The following ADGRG1 variants were observed in gnomAD, a reference collection of about 807,000 sequenced individuals.
The protein encoded by ADGRG1 is adhesion G protein-coupled receptor G1, also known as 7-transmembrane protein with no EGF-like N-terminal domains-1.
ADGRG1 carries 53 observed loss-of-function variants against 73.5 expected under a neutral mutation model. That is an observed-to-expected ratio of 0.72 (90% CI 0.58 to 0.91). The LOEUF (loss-of-function observed/expected upper bound fraction) is 0.91. Among genes scored for constraint, ADGRG1 ranks in the 40% least tolerant of loss-of-function variants. The pLI, the probability that ADGRG1 is intolerant of heterozygous loss-of-function variation, is 0.00. For synonymous variants in ADGRG1, 394 were observed against 374.4 expected (o/e 1.05, Z -0.60); for missense variants, 795 against 871.8 (o/e 0.91, Z 1.11).
intron 1 of ADGRG1, chr16:57,632,314 G>A (rs1334319946): frequency 1.0e-6 from 1 of 985,328 alleles, no homozygotes; most frequent in East Asian, 1.1e-4. Context: ...GGCTTGCCCA[G>A]GGAGAATCTT....
chr16:57,656,518 C>T lies in ADGRG1; in HGVS notation c.1068C>T (p.Ser356=), dbSNP rs2045778761. 1.2e-6 allele frequency: 2 copies of T among 1,611,996 alleles called. No homozygotes were observed. The highest frequency in any genetic ancestry group is 1.7e-6 in the Non-Finnish European group (2 of 1,178,096). Residue 356 remains serine (S), a synonymous_variant, in exon 9 of 14, where the codon AGC becomes AGT. Coordinates refer to ENST00000562631, the MANE Select transcript of ADGRG1 (RefSeq NM_201525.4). ...CVFWVEDPTL[S]SPGHWSSAGC... ...CCCGTGCTGTCCCCTCCTCAGTGAGCAGCCCGGGGCATTGGAGCAGTGCTG... is the reference window on the plus strand; with the variant it reads ...CCCGTGCTGTCCCCTCCTCAGTGAGTAGCCCGGGGCATTGGAGCAGTGCTG...
At chr16:57,660,955 T>C in intron 12 of ADGRG1, 79 bp downstream of exon 12, 1 of 878,068 alleles carries the variant, frequency 1.1e-6, no homozygotes. Context: ...GCCCAGGTCA[T>C]GCTGGCCAGG....
chr16:57,622,375 G>A (rs1172354661), intron 2 of ADGRG1, among the ~76,000 whole-genome samples: 3 of 152,152 alleles, frequency 2.0e-5, no homozygotes, highest in Non-Finnish European at 4.4e-5. Flanking sequence ...CCCAACCGCT[G>A]GGGCTCCTCC....
chr16:57,656,596 G>A lies in ADGRG1; in HGVS notation c.1146G>A (p.Leu382=), dbSNP rs770806177. 5.0e-5 allele frequency: 81 copies of A among 1,611,584 alleles called. No individual in the cohort carries two copies. The highest frequency in any genetic ancestry group is 6.4e-5 in the Non-Finnish European group (75 of 1,177,808). ...ETQTSCFCNH[L]TYFAVLMVSS... ...AAACATCCTGCTTCTGCAACCACTT[G>A]ACCTACTTTGCAGTGCTGATGGTGA... The change falls in exon 9 of 14, where the codon TTG becomes TTA. Residue 382 remains leucine, a synonymous_variant. Coordinates refer to ENST00000562631, the MANE Select transcript of ADGRG1 (RefSeq NM_201525.4).
chr16:57,647,241 G>A (rs1399771708), intron 1 of ADGRG1: 2 of 985,306 alleles, frequency 2.0e-6, no homozygotes, highest in African/African-American at 1.7e-5. Context: ...GCTTCTGGAG[G>A]AGGGAAGTTT....
In ADGRG1 at chr16:57,659,642, G is replaced by GTC; in HGVS notation, c.1517_1518dup (p.Pro507SerfsTer8). On this transcript the variant is annotated frameshift_variant, in exon 11 of 14. Coordinates refer to ENST00000562631, the MANE Select transcript of ADGRG1 (RefSeq NM_201525.4). LOFTEE classifies it high-confidence loss of function. The stretch of plus-strand genomic sequence containing the variant: ...CGTGGTGGAGGTCTTTGGCACCTAT[G>GTC]TCCCTGGCTACCTACTCAAGCTGAG... 1 of 1,614,004 alleles carries GTC rather than the reference G, an allele frequency of 6.2e-7. No individual in the cohort carries two copies. The highest frequency in any genetic ancestry group is 8.5e-7 in the Non-Finnish European group (1 of 1,180,014).
intron 1 of ADGRG1, chr16:57,635,076 G>C: frequency 1.0e-6 from 1 of 985,352 alleles, no homozygotes; most frequent in Non-Finnish European, 1.2e-6. Flanking sequence ...AACAGGGAGA[G>C]GCTGAGGGAG....
chr16:57,649,998 G>C (rs1457698501), intron 1 of ADGRG1: 1 of 264,546 alleles, frequency 3.8e-6, no homozygotes, highest in Non-Finnish European at 5.9e-6. Flanking sequence ...AGGCTGGTCT[G>C]AATTCCTGTG....
intron 11 of ADGRG1, 55 bp from the exon 12 acceptor site, chr16:57,660,713 G>A (rs1440385323): frequency 7.5e-6 from 11 of 1,469,490 alleles, no homozygotes; most frequent in Non-Finnish European, 9.4e-6. Context: ...GGCCAGCAGG[G>A]AATGGGCAGG....
At chr16:57,639,928 T>G in intron 1 of ADGRG1, 2 of 927,498 alleles carry the variant, frequency 2.2e-6, no homozygotes, top group Non-Finnish European at 2.6e-6. Context: ...TCCAAGGGAC[T>G]TGGGCAGTTT....
upstream of ADGRG1, among the ~76,000 whole-genome samples, chr16:57,626,109 G>A (rs566614359): frequency 5.3e-5 from 8 of 152,284 alleles, no homozygotes; most frequent in East Asian, 3.9e-4. Flanking sequence ...AGCAGGGGCC[G>A]GATATCTGGT....
chr16:57,624,891 T>A (rs879756866), upstream of ADGRG1: 1 of 165,518 alleles, frequency 6.0e-6, no homozygotes, highest in Admixed American at 6.5e-5. Flanking sequence ...CTGCAAGATT[T>A]ACGCATGTGG....
chr16:57,636,202 C>T (rs747599127), intron 1 of ADGRG1: 32 of 985,150 alleles, frequency 3.2e-5, no homozygotes, highest in African/African-American at 5.2e-5. Context: ...CAGGAGTGGG[C>T]CTTTGAGGGT....
chr16:57,650,929 C>T (rs1207648940), intron 2 of ADGRG1: 5 of 261,112 alleles, frequency 1.9e-5, no homozygotes, highest in Non-Finnish European at 2.4e-5. Flanking sequence ...GGGATGGTCT[C>T]GATCTCCTGA....
chr16:57,657,483 C>G lies in ADGRG1; in HGVS notation c.1278C>G (p.Leu426=), dbSNP rs748105684. The part of the protein sequence containing the change: ...LACLVTIAAY[L]CSRRKPRDYT... ...GCCTTGTCACCATTGCCGCCTACCTCTGCTCCAGGTGAGGCCTGAAAGGGG... is the reference window on the plus strand; with the variant it reads ...GCCTTGTCACCATTGCCGCCTACCTGTGCTCCAGGTGAGGCCTGAAAGGGG... The change falls in exon 10 of 14, where the codon CTC becomes CTG. Residue 426 remains leucine, a synonymous_variant. Coordinates refer to ENST00000562631, the MANE Select transcript of ADGRG1 (RefSeq NM_201525.4). The G allele has an allele frequency of 2.5e-6, 4 of 1,612,018 alleles. No individual in the cohort carries two copies. The South Asian group carries it at 4.4e-5, about 18-fold the overall frequency.
At chr16:57,623,259 C>T, upstream of ADGRG1, 1 of 984,260 alleles carries the variant, frequency 1.0e-6, no homozygotes, top group Non-Finnish European at 1.2e-6. Flanking sequence ...GGATAGAGGC[C>T]AGTGCTGCAG....
At chr16:57,633,612 T>C (rs2038580491) in intron 1 of ADGRG1, 1 of 570,454 alleles carries the variant, frequency 1.8e-6, no homozygotes, top group African/African-American at 2.0e-5. Flanking sequence ...GGGACAGGTA[T>C]ATTAACCTCT....
chr16:57,644,128 C>T, intron 1 of ADGRG1: 1 of 985,162 alleles, frequency 1.0e-6, no homozygotes, highest in Non-Finnish European at 1.2e-6. Flanking sequence ...TGTCCCCTTC[C>T]CAGCTTTGAA....
At chr16:57,632,587 T>A (rs2038266231) in intron 1 of ADGRG1, among the ~76,000 whole-genome samples, 1 of 152,250 alleles carries the variant, frequency 6.6e-6, no homozygotes, top group African/African-American at 2.4e-5. Context: ...CCCCCGCTAC[T>A]GCTGGGAGAG....
Sources: gnomAD v4.1 joint callset for allele counts (sites outside exome capture counted in the v4.1 genomes callset) on GRCh38, gnomAD v4.1.1 for gene constraint, MANE v1.5 for transcripts, NCBI Gene and HGNC (gene_info 2026-07-23, HGNC 2026-07-21) for gene names.